The following ATG16L2 variants were observed in gnomAD, a reference collection of about 807,000 sequenced individuals.
The protein encoded by ATG16L2 is autophagy related 16 like 2.
ATG16L2 carries 77 observed loss-of-function variants against 84.7 expected under a neutral mutation model. The ratio of observed to expected loss-of-function variants is 0.91; its 90% confidence interval spans 0.76 to 1.10. ATG16L2 has a LOEUF of 1.10. Among genes scored for constraint, ATG16L2 ranks in the 50% least tolerant of loss-of-function variants. The pLI, the probability that ATG16L2 is intolerant of heterozygous loss-of-function variation, is 0.00. For missense variants in ATG16L2, 782 were observed against 817.6 expected (o/e 0.96, Z 0.53); for synonymous variants, 361 against 342.8 (o/e 1.05, Z -0.59).
intron 14 of ATG16L2, 105 bp from the exon 15 acceptor site, chr11:72,828,254 C>T: frequency 1.5e-6 from 2 of 1,338,088 alleles, no homozygotes; most frequent in South Asian, 2.6e-5. Context: ...CCCTGGGGTT[C>T]CTCCGGACTT....
intron 5 of ATG16L2, among the ~76,000 whole-genome samples, chr11:72,840,543 G>A (rs1203775516): frequency 6.6e-6 from 1 of 152,168 alleles, no homozygotes; most frequent in Non-Finnish European, 1.5e-5. Flanking sequence ...GGCAAATAGA[G>A]GCCTGGAAAA....
At chr11:72,838,699 GTCA>G (rs1860808339) in intron 5 of ATG16L2, 3 of 1,041,986 alleles carry the variant, frequency 2.9e-6, no homozygotes, top group African/African-American at 1.6e-5. Context: ...CTGTTCAAGA[GTCA>G]TCATCATGCA....
At chr11:72,824,650 G>A (rs1033346423) in intron 8 of ATG16L2, 84 bp from the exon 9 acceptor site, 4 of 978,328 alleles carry the variant, frequency 4.1e-6, no homozygotes, top group Middle Eastern at 2.1e-4. Context: ...TGCTTCCTAT[G>A]GTTGATGCCT....
At chr11:72,839,057 A>G (rs1004781029) in intron 5 of ATG16L2, among the ~76,000 whole-genome samples, 5 of 152,226 alleles carry the variant, frequency 3.3e-5, no homozygotes, top group African/African-American at 1.2e-4. Context: ...GTTGTTCTCA[A>G]TGAAATATCA....
rs755174406 is a variant in ATG16L2 at position 72,841,562 on chromosome 11, G to C, written c.*22-1055G>C. Reference sequence around the variant, plus strand: ...AACGGCAGTGGAGGCAGGGAGGCGTGTGGCTTGGGGGAAGGAGAGATCTGC... The same window carrying C: ...AACGGCAGTGGAGGCAGGGAGGCGTCTGGCTTGGGGGAAGGAGAGATCTGC... On this transcript the variant is annotated intron_variant, in intron 5 of 5. Transcript: ENST00000534905. The C allele has an allele frequency of 1.2e-5, 19 of 1,608,884 alleles. No individual in the cohort carries two copies. The African/African-American group carries it at 2.4e-4, about 20-fold the overall frequency.
Position 72,822,462 on chromosome 11 carries a change from C to G in ATG16L2, c.645-16C>G. On this transcript the variant is annotated splice_polypyrimidine_tract_variant and intron_variant, in intron 5 of 17. Transcript: ENST00000321297. The surrounding 1 kb of genome is among the most constrained non-coding windows in gnomAD (Gnocchi z 4.2). ...GGCGCCGCGCCAGGGTCTCAGGATG[C>G]TTTTTACCCAACAAGGGCCAAGCAG... is the stretch of plus-strand genomic sequence containing the variant. 1.2e-6 allele frequency: 2 copies of G among 1,612,852 alleles called. No individual in the cohort carries two copies. Among genetic ancestry groups the G allele is most frequent in the Non-Finnish European group, 1.7e-6 (2 of 1,179,434 alleles).
chr11:72,820,240 A>T (rs1367430641), intron 3 of ATG16L2: 1 of 152,208 alleles, frequency 6.6e-6, no homozygotes, highest in African/African-American at 2.4e-5. Flanking sequence ...CAACCAGGAA[A>T]CTGGGATTGG....
chr11:72,842,685 G>T (rs773945981), exon 6 of ATG16L2: 1 of 1,613,842 alleles, frequency 6.2e-7, no homozygotes, highest in African/African-American at 1.3e-5. Flanking sequence ...CACTAGCACC[G>T]ATGGGAAAAC....
intron 14 of ATG16L2, 74 bp from the exon 15 acceptor site, chr11:72,828,285 G>C: frequency 6.4e-7 from 1 of 1,561,560 alleles, no homozygotes; most frequent in South Asian, 1.1e-5. Context: ...GAAGGCTGCT[G>C]CGCCTGGCCC....
At position 72,826,547 on chromosome 11, in the gene ATG16L2, C is replaced by T. The variant is rs369460248; in HGVS notation, c.1203C>T (p.Asn401=). The T allele has an allele frequency of 6.2e-6, 10 of 1,614,020 alleles. No homozygotes were observed. Among genetic ancestry groups the T allele is most frequent in the Non-Finnish European group, 8.5e-6 (10 of 1,180,022 alleles). ...ACCAGGTTTTAGCAGCAACTTACAA[C>T]CAGGCTGCCCAGCTCTGGAAGGTGG... ...SGYQVLAATY[N]QAAQLWKVGE... Residue 401 remains asparagine (N), a synonymous_variant, in exon 12 of 18, where the codon AAC becomes AAT. Coordinates refer to ENST00000321297, the MANE Select transcript of ATG16L2 (RefSeq NM_033388.2).
chr11:72,827,422 G>A, intron 14 of ATG16L2, 129 bp downstream of exon 14: 1 of 723,562 alleles, frequency 1.4e-6, no homozygotes, highest in South Asian at 1.7e-5. Flanking sequence ...TGTGGGGCTG[G>A]CACTGCCAGC....
chr11:72,827,212 C>G lies in ATG16L2; in HGVS notation c.1391C>G (p.Ser464Cys). The G allele has an allele frequency of 6.2e-7, 1 of 1,614,092 alleles. No homozygotes were observed. ...AYCSRTINVL[S>C]YCNDVVCGDH... The stretch of plus-strand genomic sequence containing the variant: ...GGCTCCAGGACCATCAATGTCCTTT[C>G]CTACTGTAATGACGTGGTGTGTGGG... Residue 464 changes from serine (S) to cysteine (C), a missense_variant, in exon 14 of 18, where the codon TCC becomes TGC. By Grantham distance (112) the Ser-to-Cys change is moderately radical. Transcript: ENST00000321297.
At chr11:72,842,853 G>A (rs751768510) in exon 6 of ATG16L2, 1 of 1,603,628 alleles carries the variant, frequency 6.2e-7, no homozygotes, top group Non-Finnish European at 8.5e-7. Context: ...TAGGGAGCAA[G>A]AGAAAAACAA....
At chr11:72,820,955 C>G (rs546537220) in intron 3 of ATG16L2, among the ~76,000 whole-genome samples, 55 of 152,306 alleles carry the variant, frequency 3.6e-4, no homozygotes, top group Non-Finnish European at 6.3e-4. Context: ...TCCCCGAGTC[C>G]ATGCCTGATC....
rs545290399 is a variant in ATG16L2 at position 72,823,157 on chromosome 11, C to T, written c.824+196C>T. 8 of 544,236 alleles carry T rather than the reference C, an allele frequency of 1.5e-5. No homozygotes were observed. In the East Asian group the frequency reaches 2.2e-4, roughly 15 times the overall value. The allele number at this position is 544,236 out of a possible 1,614,324, so 33.7% of individuals were successfully genotyped here. On this transcript the variant is annotated intron_variant, in intron 7 of 17. Coordinates refer to ENST00000321297, the MANE Select transcript of ATG16L2 (RefSeq NM_033388.2). ...CTTGGGGTCAGTTCCATCTCACCCC[C>T]CCAACCCCTACCCTCAACCCTTTCC...
intron 13 of ATG16L2, 46 bp downstream of exon 13, chr11:72,826,869 G>A (rs1309368052): frequency 6.2e-7 from 1 of 1,601,318 alleles, no homozygotes; most frequent in Admixed American, 1.7e-5. Context: ...CCAGCCAGGA[G>A]CCCCAGGCCA....
At chr11:72,817,663 C>T in intron 2 of ATG16L2, 93 bp from the exon 3 acceptor site, 5 of 1,272,214 alleles carry the variant, frequency 3.9e-6, no homozygotes, top group Non-Finnish European at 5.6e-6. Context: ...GTTAATGGCT[C>T]TTGTTTTAGG....
intron 5 of ATG16L2, chr11:72,841,094 G>T (rs1860915300): frequency 5.8e-6 from 4 of 687,914 alleles, no homozygotes; most frequent in South Asian, 1.6e-5. Context: ...CTTGAGGCCA[G>T]AAGTTCAAGG....
chr11:72,816,588 G>A (rs1859710534), intron 1 of ATG16L2, 140 bp from the exon 2 acceptor site: 6 of 676,330 alleles, frequency 8.9e-6, no homozygotes. Context: ...CAGGCACAGG[G>A]CAGAGGCCAG....
Sources: gnomAD v4.1 joint callset for allele counts (sites outside exome capture counted in the v4.1 genomes callset) on GRCh38, gnomAD v4.1.1 for gene constraint, Gnocchi (gnomAD v3.1) non-coding constraint, MANE v1.5 for transcripts, NCBI Gene and HGNC (gene_info 2026-07-23, HGNC 2026-07-21) for gene names.